Variants in AGAP5 observed in about 807,000 individuals in gnomAD.
The protein encoded by AGAP5 is ArfGAP with GTPase domain, ankyrin repeat and PH domain 5.
In AGAP5, 8 loss-of-function variants were observed where a neutral mutation model predicts 27.7. The observed-to-expected ratio is 0.29, with a 90% CI of 0.17 to 0.52. The LOEUF is 0.52. AGAP5 is among the 20% of genes least tolerant of loss of function. AGAP5 has a pLI of 0.97. For synonymous variants in AGAP5, 111 were observed against 338.0 expected (o/e 0.33, Z 7.37); for missense variants, 285 against 880.8 (o/e 0.32, Z 8.56).
At chr10:73,695,919 TTA>T (rs1394845575) in intron 2 of AGAP5, among the ~76,000 whole-genome samples, 4 of 152,246 alleles carry the variant, frequency 2.6e-5, no homozygotes, top group Non-Finnish European at 4.4e-5. Context: ...TTGCAAAATT[TTA>T]GAGGCAAACC....
Position 73,697,082 on chromosome 10 carries a change from A to G in AGAP5, c.292+13T>C. On this transcript the variant is annotated intron_variant, in intron 2 of 7. Coordinates refer to ENST00000374094, the MANE Select transcript of AGAP5 (RefSeq NM_001144000.4). The stretch of plus-strand genomic sequence containing the variant: ...CAGGATAATAAACAGAGCTACAGAC[A>G]CTGTTGTCTCACCATCTGTTTGAGA... 6.3e-7 allele frequency: 1 copy of G among 1,597,500 alleles called. No homozygotes were observed. Among genetic ancestry groups the G allele is most frequent in the South Asian group, 1.1e-5 (1 of 90,978 alleles).
intron 4 of AGAP5, among the ~76,000 whole-genome samples, chr10:73,689,136 G>A (rs1243183126): frequency 2.0e-5 from 3 of 151,146 alleles, no homozygotes; most frequent in Non-Finnish European, 4.4e-5. Context: ...GCAGGCGCGC[G>A]CCGCCACGCC....
At position 73,692,044 on chromosome 10, in the gene AGAP5, T is replaced by G. The variant is rs759168600; in HGVS notation, c.395A>C (p.His132Pro). 3 of 1,509,602 alleles carry G rather than the reference T, an allele frequency of 2.0e-6. No homozygotes were observed. The South Asian group carries it at 3.6e-5, about 18-fold the overall frequency. The allele number at this position is 1,509,602 out of a possible 1,614,324, so 93.5% of individuals were successfully genotyped here. The change falls in exon 4 of 8, where the codon CAT (histidine) becomes CCT (proline). Residue 132 changes from histidine to proline, a missense_variant and splice_region_variant. By Grantham distance (77) the His-to-Pro change is moderately conservative. Coordinates refer to ENST00000374094, the MANE Select transcript of AGAP5 (RefSeq NM_001144000.4). ...VEIRRSNCTN[H>P]VSTERFSQQY... ...TTAACTATTTGAGTGTTTACTTACA[T>G]GGTTTGTACAGTTGCTTCTTCTTAT... is the stretch of plus-strand genomic sequence containing the variant.
chr10:73,696,126 C>T (rs1238168024), intron 2 of AGAP5, among the ~76,000 whole-genome samples: 2 of 152,184 alleles, frequency 1.3e-5, no homozygotes, highest in Non-Finnish European at 2.9e-5. Flanking sequence ...AATTCTCCTG[C>T]CTCAGCCTTG....
At chr10:73,691,707 G>A (rs999539034) in intron 4 of AGAP5, among the ~76,000 whole-genome samples, 9 of 152,054 alleles carry the variant, frequency 5.9e-5, no homozygotes, top group East Asian at 1.9e-4. Context: ...GGTCAGGGTC[G>A]TCTCAAACTC....
chr10:73,688,991 TCCGCCTCC>T (rs1300244341), intron 4 of AGAP5, among the ~76,000 whole-genome samples: 3 of 148,264 alleles, frequency 2.0e-5, no homozygotes, highest in Admixed American at 6.6e-5. Context: ...CTCTGCCGCC[TCCGCCTCC>T]GCCTCCGCCT....
chr10:73,676,592 T>C (rs1337714192), intron 7 of AGAP5, 127 bp downstream of exon 7: 5 of 573,842 alleles, frequency 8.7e-6, no homozygotes, highest in Non-Finnish European at 1.6e-5. Flanking sequence ...ACATTCTTTT[T>C]ACAACACTTA....
chr10:73,687,791 A>C (rs547694847), intron 4 of AGAP5, among the ~76,000 whole-genome samples: 1 of 152,348 alleles, frequency 6.6e-6, no homozygotes, highest in Non-Finnish European at 1.5e-5. Flanking sequence ...TAGTCATAAA[A>C]TAAAGGTTAC....
chr10:73,679,043 G>A (rs1344105676), intron 6 of AGAP5, among the ~76,000 whole-genome samples: 6 of 148,280 alleles, frequency 4.0e-5, no homozygotes, highest in South Asian at 2.2e-4. Context: ...CAGTAGAGGC[G>A]GGTTTTACCA....
At chr10:73,687,159 T>C (rs1458492998) in intron 4 of AGAP5, among the ~76,000 whole-genome samples, 1 of 152,214 alleles carries the variant, frequency 6.6e-6, no homozygotes, top group Non-Finnish European at 1.5e-5. Context: ...ACAGCATTTT[T>C]CTCAGCAAAC....
chr10:73,691,250 A>T (rs182974920), intron 4 of AGAP5, among the ~76,000 whole-genome samples: 3 of 152,372 alleles, frequency 2.0e-5, no homozygotes, highest in Non-Finnish European at 2.9e-5. Flanking sequence ...AGGCACAGTG[A>T]AAACACCATA....
intron 3 of AGAP5, among the ~76,000 whole-genome samples, chr10:73,692,500 A>C (rs947178657): frequency 3.9e-5 from 6 of 152,142 alleles, no homozygotes; most frequent in African/African-American, 1.4e-4. Flanking sequence ...CTGACCAGAC[A>C]CCTATCTCTA....
At position 73,697,700 on chromosome 10, in the gene AGAP5, T is replaced by C. The variant is rs1265188294; in HGVS notation, c.56A>G (p.Gln19Arg). The C allele has an allele frequency of 2.5e-6, 4 of 1,598,464 alleles. No individual in the cohort carries two copies. The highest frequency in any genetic ancestry group is 1.3e-5 in the African/African-American group (1 of 74,872). The change falls in exon 1 of 8, where the codon CAG becomes CGG. Residue 19 changes from glutamine (Q) to arginine (R), a missense_variant. Transcript: ENST00000374094. ...AGAGGGACACACCGACCCCTGTTGC[T>C]GGTCAAACTCGAGGCTGACGCTAGG... ...VHPSVSLEFD[Q>R]QQGSVCPSES...
intron 4 of AGAP5, among the ~76,000 whole-genome samples, chr10:73,691,819 T>C (rs1470672284): frequency 1.3e-5 from 2 of 151,966 alleles, no homozygotes; most frequent in Non-Finnish European, 2.9e-5. Context: ...AACCAGACTA[T>C]TGAAATTTAA....
Position 73,676,789 on chromosome 10 carries a change from C to A in AGAP5, c.534-19G>T, listed in dbSNP as rs561332056. ...TGCATCTCTATAAAATAAGAAAGTG[C>A]ATTACTTCAAAAACTGTTAATATCT... On this transcript the variant is annotated intron_variant, in intron 6 of 7. Transcript: ENST00000374094. The A allele has an allele frequency of 9.5e-7, 1 of 1,052,734 alleles. No individual in the cohort carries two copies. The highest frequency in any genetic ancestry group is 1.9e-5 in the Admixed American group (1 of 53,672). The allele number at this position is 1,052,734 out of a possible 1,614,324, so 65.2% of individuals were successfully genotyped here.
At chr10:73,692,117 T>C in intron 3 of AGAP5, 40 bp from the exon 4 acceptor site, 1 of 1,469,202 alleles carries the variant, frequency 6.8e-7, no homozygotes, top group East Asian at 2.3e-5. Context: ...CTGATACAAA[T>C]ACCATAAAAT....
chr10:73,687,479 G>T (rs3998245), intron 4 of AGAP5, among the ~76,000 whole-genome samples: 1 of 152,120 alleles, frequency 6.6e-6, no homozygotes, highest in Non-Finnish European at 1.5e-5. Context: ...GGCTAAAAAT[G>T]AACAAATCTT....
chr10:73,690,082 CG>C (rs1257756391), intron 4 of AGAP5, among the ~76,000 whole-genome samples: 2 of 152,224 alleles, frequency 1.3e-5, no homozygotes, highest in Non-Finnish European at 2.9e-5. Flanking sequence ...CCCCTCTTCC[CG>C]GCCACCACCC....
chr10:73,676,962 G>A (rs2081985271), intron 6 of AGAP5, among the ~76,000 whole-genome samples, 192 bp from the exon 7 acceptor site: 1 of 151,944 alleles, frequency 6.6e-6, no homozygotes, highest in Non-Finnish European at 1.5e-5. Context: ...GGCCTGTACC[G>A]TGAAGCCTTT....
Sources: gnomAD v4.1 joint callset for allele counts (sites outside exome capture counted in the v4.1 genomes callset) on GRCh38, gnomAD v4.1.1 for gene constraint, MANE v1.5 for transcripts, NCBI Gene and HGNC (gene_info 2026-07-23, HGNC 2026-07-21) for gene names.